PDE7B: variants seen among roughly 807,000 people sequenced by gnomAD.
PDE7B encodes the protein phosphodiesterase 7B.
A neutral mutation model predicts 56.2 loss-of-function variants in PDE7B; 29 were observed. The ratio of observed to expected loss-of-function variants is 0.52; its 90% CI spans 0.38 to 0.70. The LOEUF (loss-of-function observed/expected upper bound fraction) is 0.70. Among genes scored for constraint, PDE7B ranks in the 30% least tolerant of loss-of-function variants. The pLI, the probability that PDE7B is intolerant of heterozygous loss-of-function variation, is 0.00. For synonymous variants in PDE7B, 197 were observed against 196.9 expected (o/e 1.00, Z 0.00); for missense variants, 490 against 565.0 (o/e 0.87, Z 1.35).
intron 1 of PDE7B, among the ~76,000 whole-genome samples, chr6:135,852,533 G>A (rs751020681): frequency 2.0e-5 from 3 of 152,264 alleles, no homozygotes; most frequent in South Asian, 4.1e-4. Context: ...GAAGCTGATA[G>A]TGAGACTGAA....
At chr6:136,099,090 G>GC (rs769774992) in intron 2 of PDE7B, among the ~76,000 whole-genome samples, 1 of 152,014 alleles carries the variant, frequency 6.6e-6, no homozygotes. Context: ...CCATGTCCCT[G>GC]CAAAGTACAT....
At chr6:136,113,434 GA>G (rs1161409532) in intron 3 of PDE7B, among the ~76,000 whole-genome samples, 2 of 152,146 alleles carry the variant, frequency 1.3e-5, no homozygotes, top group Non-Finnish European at 2.9e-5. Context: ...ACACAATTTA[GA>G]AGAGAGTCAT....
chr6:135,977,166 G>A (rs189673072), intron 2 of PDE7B, among the ~76,000 whole-genome samples: 12 of 152,152 alleles, frequency 7.9e-5, no homozygotes, highest in African/African-American at 1.2e-4. Flanking sequence ...GAATCCTCCC[G>A]CTTCAGGTTA....
Position 135,857,022 on chromosome 6 carries a change from TTTCC to T in PDE7B, c.21+5005_21+5008del, listed in dbSNP as rs1294497792. ...TCTTTCCTTCTGCCCTCTTACTCCT[TTTCC>T]TCCCTCCCTCCCTCCCTCCCTCCCT... On this transcript the variant is annotated intron_variant, in intron 1 of 12. Coordinates refer to ENST00000308191, the MANE Select transcript of PDE7B (RefSeq NM_018945.4). Among the ~76,000 whole-genome samples the T allele has an allele frequency of 9.0e-4, 104 of 114,948 alleles. 1 individual carries two copies. The highest frequency in any genetic ancestry group is 8.9e-4 in the Non-Finnish European group (51 of 57,414). 75.4% of individuals were successfully genotyped at this position (114,948 alleles called of 152,430 possible).
At chr6:135,937,774 C>T (rs1004081666) in intron 1 of PDE7B, among the ~76,000 whole-genome samples, 1 of 152,148 alleles carries the variant, frequency 6.6e-6, no homozygotes, top group Non-Finnish European at 1.5e-5. Flanking sequence ...GCTCTGTAGA[C>T]CTCTGGTCCT....
intron 1 of PDE7B, among the ~76,000 whole-genome samples, chr6:135,914,426 A>T (rs1372111993): frequency 6.7e-6 from 1 of 149,026 alleles, no homozygotes; most frequent in Non-Finnish European, 1.5e-5. Context: ...TGCCTTCCCA[A>T]GTCATGGAAT....
intron 1 of PDE7B, among the ~76,000 whole-genome samples, chr6:135,926,489 G>A (rs1021632342): frequency 2.2e-5 from 3 of 134,742 alleles, no homozygotes; most frequent in Non-Finnish European, 4.6e-5. Context: ...AACTGCGGGT[G>A]GGGGGGGCTT....
intron 2 of PDE7B, among the ~76,000 whole-genome samples, chr6:136,036,072 G>C (rs186237979): frequency 8.3e-4 from 126 of 152,244 alleles, no homozygotes; most frequent in East Asian, 2.5e-3. Context: ...CATTATTCAG[G>C]AAATATGATA....
chr6:135,928,481 A>T (rs55942722), intron 1 of PDE7B, among the ~76,000 whole-genome samples: 1 of 93,342 alleles, frequency 1.1e-5, no homozygotes, highest in Non-Finnish European at 2.1e-5. Flanking sequence ...ATATATATAT[A>T]TTTATTTATA....
intron 1 of PDE7B, among the ~76,000 whole-genome samples, chr6:135,888,247 G>C (rs950531937): frequency 2.0e-5 from 3 of 152,138 alleles, no homozygotes; most frequent in Non-Finnish European, 2.9e-5. Flanking sequence ...TAGTAAAAAA[G>C]AGGACTAAGT....
rs936404385 is a variant in PDE7B, at chr6:136,191,873, G to A, written c.*33G>A. Reference sequence around the variant, plus strand: ...CCCAACTTAGACGCGGCTCTCCTCCGGCAGGGCCCCCAGAGGGCAGAAGCA... The same window carrying A: ...CCCAACTTAGACGCGGCTCTCCTCCAGCAGGGCCCCCAGAGGGCAGAAGCA... On this transcript the variant is annotated 3_prime_UTR_variant, in exon 13 of 13. Transcript: ENST00000308191. 17 of 1,504,648 alleles carry A rather than the reference G, an allele frequency of 1.1e-5. No homozygotes were observed. The highest frequency in any genetic ancestry group is 5.9e-5 in the Admixed American group (3 of 50,814). The allele number at this position is 1,504,648 out of a possible 1,614,324, so 93.2% of individuals were successfully genotyped here.
In PDE7B at chr6:136,194,140, T is replaced by C. The variant is rs887486286; in HGVS notation, c.*2300T>C. ...TGGTACACATAGGGCTTTTGAACAG[T>C]CTATTTTTAATGTATATGAGGTCAA... On this transcript the variant is annotated 3_prime_UTR_variant, in exon 13 of 13. Transcript: ENST00000308191. 2 of 152,148 alleles carry C rather than the reference T, an allele frequency of 1.3e-5. No homozygotes were observed. The highest frequency in any genetic ancestry group is 2.9e-5 in the Non-Finnish European group (2 of 68,028). 9.4% of individuals were successfully genotyped at this position (152,148 alleles called of 1,614,324 possible). A position where few individuals can be genotyped will look rare whatever the true frequency, so the allele number is the denominator to read the frequency against.
At chr6:135,902,470 A>T (rs914100881) in intron 1 of PDE7B, among the ~76,000 whole-genome samples, 2 of 152,108 alleles carry the variant, frequency 1.3e-5, no homozygotes, top group African/African-American at 4.8e-5. Context: ...CTTTTTACAC[A>T]TCAAATAAAA....
At chr6:136,153,829 G>A (rs2128447567) in intron 6 of PDE7B, among the ~76,000 whole-genome samples, 1 of 152,252 alleles carries the variant, frequency 6.6e-6, no homozygotes, top group South Asian at 2.1e-4. Context: ...TGAAGGAGGT[G>A]AGAAATCCCA....
intron 2 of PDE7B, among the ~76,000 whole-genome samples, chr6:136,082,877 G>A (rs575231983): frequency 3.0e-4 from 45 of 152,290 alleles, no homozygotes; most frequent in Middle Eastern, 6.8e-3. Flanking sequence ...AACAGAGGGC[G>A]ATGTGAGACG....
At chr6:136,035,932 C>T (rs1183312946) in intron 2 of PDE7B, among the ~76,000 whole-genome samples, 1 of 151,878 alleles carries the variant, frequency 6.6e-6, no homozygotes, top group African/African-American at 2.4e-5. Context: ...CCCTTTGTTC[C>T]AAGGGTCAGG....
At chr6:135,982,856 T>C (rs1225226552) in intron 2 of PDE7B, among the ~76,000 whole-genome samples, 1 of 152,168 alleles carries the variant, frequency 6.6e-6, no homozygotes, top group African/African-American at 2.4e-5. Flanking sequence ...GAGTGAGGTT[T>C]CTTCAAATGT....
At chr6:135,955,243 A>G (rs1774769339) in intron 2 of PDE7B, among the ~76,000 whole-genome samples, 1 of 152,026 alleles carries the variant, frequency 6.6e-6, no homozygotes, top group South Asian at 2.1e-4. Context: ...ACAACATAGC[A>G]TGATAAACCA....
intron 2 of PDE7B, among the ~76,000 whole-genome samples, chr6:136,050,483 T>G (rs539842972): frequency 6.6e-5 from 10 of 151,950 alleles, no homozygotes; most frequent in Non-Finnish European, 1.2e-4. Context: ...GTAAGAGAGA[T>G]AGATAGAGGT....
Sources: gnomAD v4.1 joint callset for allele counts (sites outside exome capture counted in the v4.1 genomes callset) on GRCh38, gnomAD v4.1.1 for gene constraint, MANE v1.5 for transcripts, NCBI Gene and HGNC (gene_info 2026-07-23, HGNC 2026-07-21) for gene names.